SLCO5A1: variants seen among roughly 807,000 people sequenced by gnomAD.
The protein encoded by SLCO5A1 is solute carrier organic anion transporter family member 5A1.
SLCO5A1 carries 39 observed loss-of-function variants against 65.1 expected under a neutral mutation model. The observed-to-expected ratio is 0.60, with a 90% CI of 0.46 to 0.78. The LOEUF is 0.78. SLCO5A1 is among the 30% of genes least tolerant of loss of function. The pLI, the probability that SLCO5A1 is intolerant of heterozygous loss-of-function variation, is 0.00. For missense variants in SLCO5A1, 1,029 were observed against 1,069.4 expected (o/e 0.96, Z 0.53); for synonymous variants, 438 against 415.7 (o/e 1.05, Z -0.65).
chr8:69,821,963 T>C (rs968359330), intron 2 of SLCO5A1, among the ~76,000 whole-genome samples: 1 of 151,796 alleles, frequency 6.6e-6, no homozygotes, highest in African/African-American at 2.4e-5. Flanking sequence ...CCATCTCTAC[T>C]ACAAATACAA....
chr8:69,763,381 G>A (rs1817892728), intron 2 of SLCO5A1, among the ~76,000 whole-genome samples: 1 of 150,598 alleles, frequency 6.6e-6, no homozygotes, highest in Non-Finnish European at 1.5e-5. Flanking sequence ...TTGGGAGGCT[G>A]AGGCAGGTGG....
rs1350187492 is a variant in SLCO5A1, at chr8:69,673,330, G to C, written c.2090-4C>G. On this transcript the variant is annotated splice_polypyrimidine_tract_variant and splice_region_variant and intron_variant, in intron 9 of 9. Coordinates refer to ENST00000260126, the MANE Select transcript of SLCO5A1 (RefSeq NM_030958.3). The stretch of plus-strand genomic sequence containing the variant: ...TAGATTGGAGTAGGAATGTATGCTA[G>C]AGGGGTGGAGAAGAAGAAAATACGA... The C allele has an allele frequency of 1.9e-6, 3 of 1,603,660 alleles. No homozygotes were observed. The highest frequency in any genetic ancestry group is 2.6e-6 in the Non-Finnish European group (3 of 1,172,760).
rs182298911 is a variant in SLCO5A1, at chr8:69,781,872, G to A, written c.908-19997C>T. On this transcript the variant is annotated intron_variant, in intron 2 of 9. Coordinates refer to ENST00000260126, the MANE Select transcript of SLCO5A1 (RefSeq NM_030958.3). Reference sequence around the variant, plus strand: ...GGGTTTCTCCATGTTGGTCAGGCTGGTCTTGGACTCCCGACCTCAGGCGAT... The same window carrying A: ...GGGTTTCTCCATGTTGGTCAGGCTGATCTTGGACTCCCGACCTCAGGCGAT... Among the ~76,000 whole-genome samples, 420 of 152,190 alleles carry A rather than the reference G, an allele frequency of 2.8e-3. 3 individuals carry two copies. The highest frequency in any genetic ancestry group is 7.7e-3 in the African/African-American group (321 of 41,526).
intron 2 of SLCO5A1, among the ~76,000 whole-genome samples, chr8:69,779,313 A>G (rs971550986): frequency 4.6e-5 from 7 of 152,218 alleles, no homozygotes; most frequent in Non-Finnish European, 4.4e-5. Flanking sequence ...CATATCTGAA[A>G]AAGCCATTTC....
chr8:69,748,312 T>A (rs1289779956), intron 4 of SLCO5A1, among the ~76,000 whole-genome samples: 1 of 152,200 alleles, frequency 6.6e-6, no homozygotes, highest in South Asian at 2.1e-4. Context: ...TGTTCACATA[T>A]CTTTCTAAGG....
At chr8:69,714,565 TTCA>T (rs1277993837) in intron 5 of SLCO5A1, among the ~76,000 whole-genome samples, 1 of 152,204 alleles carries the variant, frequency 6.6e-6, no homozygotes, top group Non-Finnish European at 1.5e-5. Flanking sequence ...AGAAGTAGAC[TTCA>T]TCAGCCTCAG....
At chr8:69,821,464 C>CAGG (rs150161920) in intron 2 of SLCO5A1, among the ~76,000 whole-genome samples, 9,397 of 150,758 alleles carry the variant, frequency 0.062, 445 homozygotes, top group East Asian at 0.25. Context: ...GGAGAGGGAG[C>CAGG]AGGAGAAGAA....
Position 69,671,477 on chromosome 8 carries a change from G to A in SLCO5A1, c.*1392C>T, listed in dbSNP as rs1274612177. 4 of 152,370 alleles carry A rather than the reference G, an allele frequency of 2.6e-5. No individual in the cohort carries two copies. The highest frequency in any genetic ancestry group is 9.6e-5 in the African/African-American group (4 of 41,580). The allele number at this position is 152,370 out of a possible 1,614,324, so 9.4% of individuals were successfully genotyped here. On this transcript the variant is annotated 3_prime_UTR_variant, in exon 10 of 10. Coordinates refer to ENST00000260126, the MANE Select transcript of SLCO5A1 (RefSeq NM_030958.3). ...GCCAGAACCCCTGAGCTAACTTGCT[G>A]TCAATCCGTTAGCGCCGTCAGGAAG...
chr8:69,768,690 G>T (rs928214390), intron 2 of SLCO5A1, among the ~76,000 whole-genome samples: 1 of 151,974 alleles, frequency 6.6e-6, no homozygotes, highest in African/African-American at 2.4e-5. Context: ...TTCTTATAAG[G>T]ACCTCATAGA....
Position 69,805,909 on chromosome 8 carries a change from C to T in SLCO5A1, c.907+25858G>A, listed in dbSNP as rs570998047. On this transcript the variant is annotated intron_variant, in intron 2 of 9. Coordinates refer to ENST00000260126, the MANE Select transcript of SLCO5A1 (RefSeq NM_030958.3). ...GAAGCATAATTAAGGAAGACTAAGCCATAGTCATTCCTTTGAAAGGAAACT... is the reference window on the plus strand; with the variant it reads ...GAAGCATAATTAAGGAAGACTAAGCTATAGTCATTCCTTTGAAAGGAAACT... Among the ~76,000 whole-genome samples, 257 of 152,320 alleles carry T rather than the reference C, an allele frequency of 1.7e-3. 1 individual carries two copies. Among genetic ancestry groups the T allele is most frequent in the Admixed American group, 4.8e-3 (73 of 15,298 alleles).
chr8:69,811,807 C>T (rs1176407296), intron 2 of SLCO5A1, among the ~76,000 whole-genome samples: 1 of 152,180 alleles, frequency 6.6e-6, no homozygotes, highest in African/African-American at 2.4e-5. Context: ...GGGCATTGGC[C>T]CACATGATCC....
chr8:69,809,860 G>A lies in SLCO5A1; in HGVS notation c.907+21907C>T, dbSNP rs771683057. On this transcript the variant is annotated intron_variant, in intron 2 of 9. Transcript: ENST00000260126. Reference sequence around the variant, plus strand: ...CTCTATTACCTGCCTCCTGGAGATCGGTAGCATCATTTGCAAGCTGACAAG... The same window carrying A: ...CTCTATTACCTGCCTCCTGGAGATCAGTAGCATCATTTGCAAGCTGACAAG... Among the ~76,000 whole-genome samples, 117 of 152,022 alleles carry A rather than the reference G, an allele frequency of 7.7e-4. 1 individual carries two copies. Among genetic ancestry groups the A allele is most frequent in the Middle Eastern group, 6.8e-3 (2 of 294 alleles).
At chr8:69,763,995 G>A (rs1180032694) in intron 2 of SLCO5A1, among the ~76,000 whole-genome samples, 1 of 152,114 alleles carries the variant, frequency 6.6e-6, no homozygotes, top group African/African-American at 2.4e-5. Flanking sequence ...CTCCCCAGTA[G>A]CTGGGATTAC....
chr8:69,767,889 CAAAAAAAAAAAAAA>C lies in SLCO5A1; in HGVS notation c.908-6028_908-6015del, dbSNP rs746004982. 8.6e-5 allele frequency among the ~76,000 whole-genome samples: 3 copies of C among 35,046 alleles called. No individual in the cohort carries two copies. In the Admixed American group the frequency reaches 8.8e-4, roughly 10 times the overall value. 23.0% of individuals were successfully genotyped at this position (35,046 alleles called of 152,430 possible). The stretch of plus-strand genomic sequence containing the variant: ...TGGGTGACAGAATGAGACTCCATCT[CAAAAAAAAAAAAAA>C]AAAAAAAACAAAAAGAAAAAGAAAA... On this transcript the variant is annotated intron_variant, in intron 2 of 9. Coordinates refer to ENST00000260126, the MANE Select transcript of SLCO5A1 (RefSeq NM_030958.3).
At chr8:69,682,094 C>G in intron 7 of SLCO5A1, 90 bp downstream of exon 7, 2 of 1,376,552 alleles carry the variant, frequency 1.5e-6, no homozygotes, top group Non-Finnish European at 2.0e-6. Flanking sequence ...AAAAGAAAGA[C>G]TGAAGTCATT....
At chr8:69,727,264 T>A (rs1242180065) in intron 5 of SLCO5A1, among the ~76,000 whole-genome samples, 2 of 152,058 alleles carry the variant, frequency 1.3e-5, no homozygotes, top group Admixed American at 1.3e-4. Flanking sequence ...GCTGGATGGA[T>A]GGGTGGATGA....
At chr8:69,784,938 GAAAGAAAGAAA>G (rs1451005003) in intron 2 of SLCO5A1, among the ~76,000 whole-genome samples, 33 of 119,880 alleles carry the variant, frequency 2.8e-4, no homozygotes, top group African/African-American at 1.0e-3. Flanking sequence ...AAGAAAGAAA[GAAAGAAAGAAA>G]GAAGAAAGGA....
chr8:69,810,896 C>T (rs1385564062), intron 2 of SLCO5A1, among the ~76,000 whole-genome samples: 11 of 152,102 alleles, frequency 7.2e-5, no homozygotes, highest in Admixed American at 2.6e-4. Context: ...TTTTTTGTTT[C>T]GGTCTACATC....
intron 2 of SLCO5A1, among the ~76,000 whole-genome samples, chr8:69,774,509 C>T (rs570385867): frequency 5.9e-5 from 9 of 152,296 alleles, no homozygotes; most frequent in African/African-American, 2.2e-4. Context: ...TTCCAAGTCA[C>T]ACCCCACCCC....
Sources: gnomAD v4.1 joint callset for allele counts (sites outside exome capture counted in the v4.1 genomes callset) on GRCh38, gnomAD v4.1.1 for gene constraint, MANE v1.5 for transcripts, NCBI Gene and HGNC (gene_info 2026-07-23, HGNC 2026-07-21) for gene names.